Variants in SNTB1 observed in about 807,000 individuals in gnomAD.
SNTB1 encodes the protein beta-1-syntrophin.
In SNTB1, 36 loss-of-function variants were observed where a neutral mutation model predicts 48.9. That is an observed-to-expected ratio of 0.74 (90% CI 0.56 to 0.97). The LOEUF (loss-of-function observed/expected upper bound fraction) is 0.97. SNTB1 is among the 50% of genes least tolerant of loss of function. SNTB1 has a pLI of 0.00. For missense variants in SNTB1, 786 were observed against 703.4 expected, an observed-to-expected ratio of 1.12 and a Z score of -1.33; for synonymous variants, 299 against 294.6, an observed-to-expected ratio of 1.01 and a Z score of -0.15.
chr8:120,743,939 G>A (rs950064797), intron 1 of SNTB1, among the ~76,000 whole-genome samples: 2 of 152,002 alleles, frequency 1.3e-5, no homozygotes, highest in Non-Finnish European at 2.9e-5. Flanking sequence ...GACCAGCCTG[G>A]GTGACATAGT....
At chr8:120,658,086 A>G (rs185662525) in intron 2 of SNTB1, among the ~76,000 whole-genome samples, 16 of 152,352 alleles carry the variant, frequency 1.1e-4, no homozygotes, top group African/African-American at 3.4e-4. Flanking sequence ...TGTAATTTCT[A>G]CTAAATCTTT....
intron 3 of SNTB1, among the ~76,000 whole-genome samples, chr8:120,603,726 TC>T (rs1816463936): frequency 6.6e-6 from 1 of 152,160 alleles, no homozygotes; most frequent in Admixed American, 6.5e-5. Context: ...AACTGCTGGG[TC>T]CTATGTCACC....
chr8:120,649,748 G>A (rs578222899), intron 2 of SNTB1, among the ~76,000 whole-genome samples: 25 of 152,312 alleles, frequency 1.6e-4, no homozygotes, highest in African/African-American at 5.5e-4. Flanking sequence ...GGGCAATGGC[G>A]GGCGCCCCTC....
intron 2 of SNTB1, among the ~76,000 whole-genome samples, chr8:120,686,066 G>C (rs1273316263): frequency 6.6e-6 from 1 of 152,058 alleles, no homozygotes; most frequent in Non-Finnish European, 1.5e-5. Context: ...TCTGACCATG[G>C]CCACATAAGA....
chr8:120,547,278 A>G (rs1403757996), intron 5 of SNTB1, among the ~76,000 whole-genome samples: 2 of 152,158 alleles, frequency 1.3e-5, no homozygotes, highest in Non-Finnish European at 2.9e-5. Flanking sequence ...TGAATCAATT[A>G]ATTGATTTTA....
At chr8:120,723,451 C>T (rs1818702989) in intron 1 of SNTB1, among the ~76,000 whole-genome samples, 1 of 152,178 alleles carries the variant, frequency 6.6e-6, no homozygotes, top group East Asian at 1.9e-4. Flanking sequence ...GGCATTTCTT[C>T]AGTGTAGATG....
intron 2 of SNTB1, among the ~76,000 whole-genome samples, chr8:120,665,945 C>T (rs972908752): frequency 6.6e-6 from 1 of 152,126 alleles, no homozygotes; most frequent in Non-Finnish European, 1.5e-5. Context: ...ATTGTCAATA[C>T]CCCACTGTTT....
intron 1 of SNTB1, among the ~76,000 whole-genome samples, chr8:120,701,895 G>A (rs541748680): frequency 1.6e-4 from 24 of 152,226 alleles, no homozygotes; most frequent in Non-Finnish European, 2.9e-4. Context: ...GTAATCTTCC[G>A]CCTCCAAAGA....
chr8:120,619,310 TAG>T (rs752369440), intron 3 of SNTB1, among the ~76,000 whole-genome samples: 9,266 of 146,792 alleles, frequency 0.063, 522 homozygotes, highest in African/African-American at 0.15. Context: ...TATATATATA[TAG>T]AGAGAGAGAG....
At position 120,808,904 on chromosome 8, in the gene SNTB1, A is replaced by T. The variant is rs1049164562; in HGVS notation, c.571+2369T>A. On this transcript the variant is annotated intron_variant, in intron 1 of 6. Transcript: ENST00000517992. ...ACAAAAAGGAATCTAGGTTTTTTTA[A>T]AAAAAAGGGTGCACTTGCTATATAA... Among the ~76,000 whole-genome samples, 37 of 152,026 alleles carry T rather than the reference A, an allele frequency of 2.4e-4. 2 individuals are homozygous for T. The highest frequency in any genetic ancestry group is 1.6e-3 in the Admixed American group (24 of 15,264).
intron 1 of SNTB1, among the ~76,000 whole-genome samples, chr8:120,752,983 G>GGAA (rs1819248808): frequency 8.1e-6 from 1 of 123,092 alleles, no homozygotes; most frequent in Non-Finnish European, 1.6e-5. Context: ...AACAAAAGCT[G>GGAA]GAAGAAAAAA....
rs893528217 is a variant in SNTB1 at position 120,548,670 on chromosome 8, G to A, written c.1333+92C>T. ...TCTGGAATTTTAACTATCCCCAGAG[G>A]CCAGTGATGAAAACTACTTTAAGGC... On this transcript the variant is annotated intron_variant, in intron 5 of 6. Transcript: ENST00000517992. The A allele has an allele frequency of 1.3e-5, 14 of 1,102,254 alleles. No individual in the cohort carries two copies. In the Admixed American group the frequency reaches 1.4e-4, roughly 11 times the overall value. The allele number at this position is 1,102,254 out of a possible 1,614,324, so 68.3% of individuals were successfully genotyped here.
intron 1 of SNTB1, among the ~76,000 whole-genome samples, chr8:120,783,420 C>A (rs1260030401): frequency 6.6e-6 from 1 of 152,138 alleles, no homozygotes; most frequent in Admixed American, 6.5e-5. Context: ...ACTGAATACA[C>A]ATGTGCATTC....
chr8:120,648,735 TCTC>T (rs1467624684), intron 2 of SNTB1, among the ~76,000 whole-genome samples: 1 of 152,190 alleles, frequency 6.6e-6, no homozygotes, highest in Non-Finnish European at 1.5e-5. Flanking sequence ...TTAGGGAAGT[TCTC>T]CTGGATAATA....
At chr8:120,557,048 T>C (rs1815577043) in intron 4 of SNTB1, among the ~76,000 whole-genome samples, 1 of 152,162 alleles carries the variant, frequency 6.6e-6, no homozygotes. Flanking sequence ...AGGAAGTTTA[T>C]ACAGGGAGTC....
At position 120,735,139 on chromosome 8, in the gene SNTB1, G is replaced by A. The variant is rs562591652; in HGVS notation, c.572-41231C>T. Among the ~76,000 whole-genome samples the A allele has an allele frequency of 2.4e-3, 362 of 152,272 alleles. 4 individuals are homozygous for A. Among genetic ancestry groups the A allele is most frequent in the South Asian group, 4.6e-3 (22 of 4,822 alleles). The stretch of plus-strand genomic sequence containing the variant: ...AGCACAAGTCAGCAGATGAGGCTAT[G>A]GGCATGTGACAACCCGAGGTCAATG... On this transcript the variant is annotated intron_variant, in intron 1 of 6. Transcript: ENST00000517992.
At chr8:120,607,238 C>A (rs540364534) in intron 3 of SNTB1, among the ~76,000 whole-genome samples, 1 of 152,162 alleles carries the variant, frequency 6.6e-6, no homozygotes, top group East Asian at 1.9e-4. Context: ...ATTTAAAAAT[C>A]TTACAGAGGA....
chr8:120,688,181 AC>A (rs1244997310), intron 2 of SNTB1, among the ~76,000 whole-genome samples: 1 of 152,160 alleles, frequency 6.6e-6, no homozygotes, highest in Non-Finnish European at 1.5e-5. Context: ...TCTACAGTGG[AC>A]TCTGTTACGT....
intron 1 of SNTB1, chr8:120,761,252 C>T (rs1265854138): frequency 2.0e-5 from 3 of 152,166 alleles, no homozygotes; most frequent in African/African-American, 7.2e-5. Flanking sequence ...CAGGGAAACC[C>T]AAGACAACAG....
Sources: allele counts gnomAD v4.1 joint callset (sites outside exome capture counted in the v4.1 genomes callset), GRCh38; gene constraint gnomAD v4.1.1; transcripts MANE v1.5; gene names NCBI Gene and HGNC (gene_info 2026-07-23, HGNC 2026-07-21).